IFTAP: variants seen among roughly 807,000 people sequenced by gnomAD.
IFTAP encodes the protein intraflagellar transport-associated protein.
A neutral mutation model predicts 19.4 loss-of-function variants in IFTAP; 19 were observed. That is an observed-to-expected ratio of 0.98 (90% CI 0.68 to 1.44). The LOEUF is 1.44. Among genes scored for constraint, IFTAP ranks in the 40% most tolerant of loss-of-function variants. The pLI is 0.00. For synonymous variants in IFTAP, 85 were observed against 83.5 expected, an observed-to-expected ratio of 1.02 and a Z score of -0.10; for missense variants, 240 against 253.6, an observed-to-expected ratio of 0.95 and a Z score of 0.36.
chr11:36,657,454 A>G (rs552025439), intron 5 of IFTAP, among the ~76,000 whole-genome samples: 39 of 152,260 alleles, frequency 2.6e-4, no homozygotes, highest in African/African-American at 9.1e-4. Flanking sequence ...TAAGATAGTC[A>G]TGGTATTACA....
At chr11:36,654,864 T>G (rs1853910334) in intron 5 of IFTAP, among the ~76,000 whole-genome samples, 1 of 152,184 alleles carries the variant, frequency 6.6e-6, no homozygotes, top group South Asian at 2.1e-4. Flanking sequence ...TGAACCGCTT[T>G]AGCAGGTTCC....
At chr11:36,600,671 C>G (rs1286558333) in intron 1 of IFTAP, among the ~76,000 whole-genome samples, 1 of 152,186 alleles carries the variant, frequency 6.6e-6, no homozygotes, top group Non-Finnish European at 1.5e-5. Flanking sequence ...GATGAACATG[C>G]CTTACATTCT....
intron 2 of IFTAP, among the ~76,000 whole-genome samples, chr11:36,631,042 A>G (rs528962948): frequency 6.6e-6 from 1 of 151,536 alleles, no homozygotes; most frequent in East Asian, 1.9e-4. Flanking sequence ...GAAGTCAGGG[A>G]GACTAAGTCC....
intron 2 of IFTAP, among the ~76,000 whole-genome samples, chr11:36,616,036 A>G (rs1275453928): frequency 6.6e-6 from 1 of 151,990 alleles, no homozygotes; most frequent in Non-Finnish European, 1.5e-5. Context: ...TGTCACACAG[A>G]GATTGTATAA....
intron 4 of IFTAP, among the ~76,000 whole-genome samples, chr11:36,641,075 C>T (rs1327205064): frequency 1.3e-5 from 2 of 152,118 alleles, no homozygotes; most frequent in African/African-American, 4.8e-5. Flanking sequence ...AAATACTCCT[C>T]CCCTTTCCAA....
intron 2 of IFTAP, among the ~76,000 whole-genome samples, chr11:36,610,713 G>C (rs1454834076): frequency 6.6e-6 from 1 of 152,136 alleles, no homozygotes; most frequent in African/African-American, 2.4e-5. Flanking sequence ...TTCTCTCAAA[G>C]GTTGAGAAAC....
chr11:36,652,904 C>T (rs1466263496), intron 5 of IFTAP, among the ~76,000 whole-genome samples: 3 of 151,828 alleles, frequency 2.0e-5, no homozygotes, highest in African/African-American at 7.3e-5. Flanking sequence ...TTTTGATGAA[C>T]TTTGGAAGTT....
chr11:36,595,206 A>T (rs1404948029), intron 1 of IFTAP: 1 of 152,206 alleles, frequency 6.6e-6, no homozygotes, highest in Non-Finnish European at 1.5e-5. Flanking sequence ...CTAGGAAAAT[A>T]GAGTTAGTGG....
At chr11:36,654,915 A>G (rs1006847566) in intron 5 of IFTAP, among the ~76,000 whole-genome samples, 1 of 151,674 alleles carries the variant, frequency 6.6e-6, no homozygotes. Flanking sequence ...ACTCAAATCT[A>G]CCTTCTGTTT....
intron 5 of IFTAP, among the ~76,000 whole-genome samples, chr11:36,649,431 A>G (rs1444104095): frequency 6.6e-6 from 1 of 152,036 alleles, no homozygotes; most frequent in Non-Finnish European, 1.5e-5. Context: ...GAAGGACTCA[A>G]TTTCTTTTTT....
chr11:36,646,487 G>T (rs1853489299), intron 4 of IFTAP, among the ~76,000 whole-genome samples: 1 of 152,112 alleles, frequency 6.6e-6, no homozygotes, highest in Non-Finnish European at 1.5e-5. Flanking sequence ...TTAAAATGTT[G>T]TTTCTCTGGG....
At chr11:36,606,280 G>C (rs911219505) in intron 1 of IFTAP, among the ~76,000 whole-genome samples, 17 of 152,058 alleles carry the variant, frequency 1.1e-4, no homozygotes, top group Non-Finnish European at 2.4e-4. Context: ...CCAACATGGC[G>C]AAACCCCATC....
intron 2 of IFTAP, among the ~76,000 whole-genome samples, chr11:36,620,020 G>A (rs1223950551): frequency 6.6e-6 from 1 of 151,984 alleles, no homozygotes; most frequent in African/African-American, 2.4e-5. Context: ...ATAAGGACTT[G>A]CTAATAAAAG....
At chr11:36,630,962 C>G (rs931696988) in intron 2 of IFTAP, among the ~76,000 whole-genome samples, 2 of 151,304 alleles carry the variant, frequency 1.3e-5, no homozygotes, top group Non-Finnish European at 2.9e-5. Flanking sequence ...GCCTATCTTG[C>G]TCTACTCTGC....
intron 2 of IFTAP, among the ~76,000 whole-genome samples, chr11:36,628,848 G>A (rs1486167713): frequency 6.6e-6 from 1 of 151,146 alleles, no homozygotes; most frequent in Admixed American, 6.6e-5. Context: ...TGATGGCTAT[G>A]ACTGTGAATA....
intron 2 of IFTAP, among the ~76,000 whole-genome samples, chr11:36,631,913 A>C (rs536451342): frequency 6.6e-6 from 1 of 151,166 alleles, no homozygotes; most frequent in East Asian, 1.9e-4. Flanking sequence ...ATTGTAAGCC[A>C]TTCTTCTTTG....
chr11:36,623,802 G>A (rs1852399341), intron 2 of IFTAP, among the ~76,000 whole-genome samples: 1 of 152,146 alleles, frequency 6.6e-6, no homozygotes, highest in South Asian at 2.1e-4. Flanking sequence ...CGCTGTTTCT[G>A]GTAACTTTTC....
At chr11:36,618,249 C>A (rs1852166211) in intron 2 of IFTAP, among the ~76,000 whole-genome samples, 1 of 151,884 alleles carries the variant, frequency 6.6e-6, no homozygotes, top group Non-Finnish European at 1.5e-5. Context: ...TGGGCCCCAA[C>A]CCAGTATGAC....
intron 2 of IFTAP, among the ~76,000 whole-genome samples, chr11:36,618,535 G>C (rs1252975625): frequency 6.6e-6 from 1 of 151,956 alleles, no homozygotes; most frequent in Non-Finnish European, 1.5e-5. Flanking sequence ...AGCAGTGCCT[G>C]GTGGGGCAGA....
Sources: gnomAD v4.1 joint callset for allele counts (sites outside exome capture counted in the v4.1 genomes callset) on GRCh38, gnomAD v4.1.1 for gene constraint, MANE v1.5 for transcripts, NCBI Gene and HGNC (gene_info 2026-07-23, HGNC 2026-07-21) for gene names.